The following CASS4 variants were observed in gnomAD, a reference collection of about 807,000 sequenced individuals.
CASS4 encodes Cas scaffold protein family member 4.
Under a neutral mutation model 54.2 loss-of-function variants are expected in CASS4, and 22 were observed. That is an observed-to-expected ratio of 0.41 (90% CI 0.29 to 0.58). The LOEUF (loss-of-function observed/expected upper bound fraction) is 0.58. Ranked by LOEUF, CASS4 falls within the 20% of genes least tolerant of loss-of-function variation. CASS4 has a pLI of 0.36. For missense variants in CASS4, 854 were observed against 986.7 expected, an observed-to-expected ratio of 0.87 and a Z score of 1.80; for synonymous variants, 409 against 391.5, an observed-to-expected ratio of 1.04 and a Z score of -0.53.
chr20:56,436,407 C>CAT (rs1310920603), intron 1 of CASS4, among the ~76,000 whole-genome samples: 32 of 140,696 alleles, frequency 2.3e-4, no homozygotes, highest in African/African-American at 7.5e-4. Context: ...ATGTTGGGTA[C>CAT]ATATATATAT....
rs146257982 is a variant in CASS4, at chr20:56,453,082, C to T, written c.1906C>T (p.His636Tyr). Residue 636 changes from histidine (H) to tyrosine (Y), a missense_variant, in exon 5 of 6, where the codon CAC becomes TAC. Coordinates refer to ENST00000679887, the MANE Select transcript of CASS4 (RefSeq NM_020356.4). ...TTCCACTAAGCAAAGGGAAGATGAA[C>T]ACTCTTCTGAACTATTAAAGAAAAA... ...TPSTKQREDEHSSELLKKNRA... is the reference protein window; with the variant it reads ...TPSTKQREDEYSSELLKKNRA... 1.2e-6 allele frequency: 2 copies of T among 1,614,024 alleles called. No individual in the cohort carries two copies. The highest frequency in any genetic ancestry group is 8.5e-7 in the Non-Finnish European group (1 of 1,179,992).
At chr20:56,417,067 G>T (rs1173709772) in intron 1 of CASS4, among the ~76,000 whole-genome samples, 1 of 152,204 alleles carries the variant, frequency 6.6e-6, no homozygotes, top group Non-Finnish European at 1.5e-5. Context: ...CTCAAGGTTG[G>T]TTTAAACACG....
rs572400550 is a variant in CASS4 at position 56,412,271 on chromosome 20, T to A, written c.-188T>A. On this transcript the variant is annotated 5_prime_UTR_variant, in exon 1 of 6. Transcript: ENST00000679887. The surrounding 1 kb of genome is among the most constrained non-coding windows in gnomAD (Gnocchi z 4.2). ...TGCTTCACTGCTTTCATTTTACTCTTATCGTGCTTTCCAGAAAGTTTGCCT... is the reference window on the plus strand; with the variant it reads ...TGCTTCACTGCTTTCATTTTACTCTAATCGTGCTTTCCAGAAAGTTTGCCT... 2 of 645,510 alleles carry A rather than the reference T, an allele frequency of 3.1e-6. No individual in the cohort carries two copies. Among genetic ancestry groups the A allele is most frequent in the African/African-American group, 3.7e-5 (2 of 54,358 alleles). The allele number at this position is 645,510 out of a possible 1,614,324, so 40.0% of individuals were successfully genotyped here.
chr20:56,458,818 T>C lies in CASS4; in HGVS notation c.*71T>C. The C allele has an allele frequency of 7.0e-7, 1 of 1,431,038 alleles. No individual in the cohort carries two copies. The allele number at this position is 1,431,038 out of a possible 1,614,324, so 88.6% of individuals were successfully genotyped here. On this transcript the variant is annotated 3_prime_UTR_variant, in exon 6 of 6. Transcript: ENST00000679887. The stretch of plus-strand genomic sequence containing the variant: ...ACCCACAACTTGTGCAACTCTGCCC[T>C]ATGGGAAAAGCCAGCCGGGGCATAC...
At position 56,414,725 on chromosome 20, in the gene CASS4, T is replaced by C. The variant is rs1206569895; in HGVS notation, c.36+2231T>C. Among the ~76,000 whole-genome samples, 1 of 152,156 alleles carries C rather than the reference T, an allele frequency of 6.6e-6. No individual in the cohort carries two copies. Among genetic ancestry groups the C allele is most frequent in the African/African-American group, 2.4e-5 (1 of 41,434 alleles). On this transcript the variant is annotated intron_variant, in intron 1 of 5. Coordinates refer to ENST00000679887, the MANE Select transcript of CASS4 (RefSeq NM_020356.4). This position sits in a 1 kb window ranked among gnomAD's most constrained non-coding sequence, Gnocchi z 4.1. ...CACCACTTTCAGAGGCTGAAGCGTG[T>C]GGATCACCTGAGGTCAGGGGATTAG...
chr20:56,452,671 G>T lies in CASS4; in HGVS notation c.1495G>T (p.Gly499Ter). 3 of 1,614,174 alleles carry T rather than the reference G, an allele frequency of 1.9e-6. No individual in the cohort carries two copies. The highest frequency in any genetic ancestry group is 1.7e-6 in the Non-Finnish European group (2 of 1,180,032). ...AAGAGAATTTCTGGATTTTGCCCGA[G>T]GAGTCCATGGGACTGCCTGTAACCT... ...SVREFLDFAR[G>*]VHGTACNLTD... The change falls in exon 5 of 6, where the codon GGA (glycine) becomes TGA (stop). Residue 499 changes from glycine (G) to a stop codon, truncating the protein, a stop_gained. Transcript: ENST00000679887. LOFTEE classifies it high-confidence loss of function.
At chr20:56,429,602 C>T (rs1344404630) in intron 1 of CASS4, among the ~76,000 whole-genome samples, 1 of 152,092 alleles carries the variant, frequency 6.6e-6, no homozygotes, top group Non-Finnish European at 1.5e-5. Context: ...TCCATGCGCC[C>T]CCAACACATA....
At chr20:56,426,263 A>G (rs1224867686) in intron 1 of CASS4, among the ~76,000 whole-genome samples, 2 of 152,238 alleles carry the variant, frequency 1.3e-5, no homozygotes, top group African/African-American at 2.4e-5. Flanking sequence ...TGGCTTACTC[A>G]TCTCCTAAAT....
chr20:56,430,607 A>T lies in CASS4; in HGVS notation c.37-6557A>T, dbSNP rs1254772589. Among the ~76,000 whole-genome samples, 1 of 152,196 alleles carries T rather than the reference A, an allele frequency of 6.6e-6. No homozygotes were observed. Among genetic ancestry groups the T allele is most frequent in the Admixed American group, 6.5e-5 (1 of 15,280 alleles). ...CTGCTTCCATCTGTTATTCACAAAG[A>T]GCTCAGTGCAGCGCCAGGAACATGG... On this transcript the variant is annotated intron_variant, in intron 1 of 5. Transcript: ENST00000679887. The surrounding 1 kb of genome is among the most constrained non-coding windows in gnomAD (Gnocchi z 4.2).
chr20:56,443,072 G>A (rs558937897), intron 2 of CASS4, among the ~76,000 whole-genome samples: 7 of 151,740 alleles, frequency 4.6e-5, no homozygotes, highest in Non-Finnish European at 7.4e-5. Flanking sequence ...GTCTGCGGGG[G>A]GAGAAAGCTT....
chr20:56,436,444 G>A (rs113548452), intron 1 of CASS4, among the ~76,000 whole-genome samples: 25 of 150,136 alleles, frequency 1.7e-4, no homozygotes, highest in African/African-American at 5.1e-4. Flanking sequence ...GTGTGTGTGT[G>A]TATATATACA....
chr20:56,414,612 A>G lies in CASS4; in HGVS notation c.36+2118A>G, dbSNP rs1979042703. Among the ~76,000 whole-genome samples the G allele has an allele frequency of 6.6e-6, 1 of 152,066 alleles. No homozygotes were observed. Among genetic ancestry groups the G allele is most frequent in the African/African-American group, 2.4e-5 (1 of 41,394 alleles). On this transcript the variant is annotated intron_variant, in intron 1 of 5. Coordinates refer to ENST00000679887, the MANE Select transcript of CASS4 (RefSeq NM_020356.4). This position sits in a 1 kb window ranked among gnomAD's most constrained non-coding sequence, Gnocchi z 4.1. ...AATAACATGCATGTTTGCATAGAAC[A>G]TATAATTGATATTCCCAGCATCCCC...
intron 1 of CASS4, among the ~76,000 whole-genome samples, chr20:56,415,428 G>A (rs1234826835): frequency 1.3e-5 from 2 of 152,156 alleles, no homozygotes; most frequent in Non-Finnish European, 2.9e-5. Flanking sequence ...TGTCCCTACA[G>A]AAACTATCAA....
At position 56,437,640 on chromosome 20, in the gene CASS4, A is replaced by T. The variant is rs1980257519; in HGVS notation, c.459+54A>T. On this transcript the variant is annotated intron_variant, in intron 2 of 5. Transcript: ENST00000679887. The surrounding 1 kb of genome is among the most constrained non-coding windows in gnomAD (Gnocchi z 4.7). ...GGTTGAGGGGTATGGAAACACCCAG[A>T]GGCCTAACTACCTCTTGAGGCATGG... is the stretch of plus-strand genomic sequence containing the variant. 3.5e-6 allele frequency: 5 copies of T among 1,438,120 alleles called. No individual in the cohort carries two copies. The South Asian group carries it at 7.1e-5, about 20-fold the overall frequency. 89.1% of individuals were successfully genotyped at this position (1,438,120 alleles called of 1,614,324 possible).
Position 56,458,833 on chromosome 20 carries a change from C to T in CASS4, c.*86C>T. The T allele has an allele frequency of 6.0e-6, 8 of 1,323,156 alleles. No individual in the cohort carries two copies. The highest frequency in any genetic ancestry group is 8.2e-6 in the Non-Finnish European group (8 of 977,558). The allele number at this position is 1,323,156 out of a possible 1,614,324, so 82.0% of individuals were successfully genotyped here. ...AACTCTGCCCTATGGGAAAAGCCAG[C>T]CGGGGCATACACCAATGAGCTGAAA... On this transcript the variant is annotated 3_prime_UTR_variant, in exon 6 of 6. Coordinates refer to ENST00000679887, the MANE Select transcript of CASS4 (RefSeq NM_020356.4).
intron 1 of CASS4, among the ~76,000 whole-genome samples, chr20:56,434,464 TCTCA>T (rs1980059717): frequency 6.6e-6 from 1 of 152,148 alleles, no homozygotes; most frequent in African/African-American, 2.4e-5. Flanking sequence ...TGAGATGGAG[TCTCA>T]CTCTGTTGCC....
chr20:56,457,006 T>A (rs894838993), intron 5 of CASS4, among the ~76,000 whole-genome samples: 1 of 152,188 alleles, frequency 6.6e-6, no homozygotes, highest in African/African-American at 2.4e-5. Context: ...TTATACTCCC[T>A]GCTTCCAAGA....
chr20:56,412,599 C>A lies in CASS4; in HGVS notation c.36+105C>A. 1 of 1,174,870 alleles carries A rather than the reference C, an allele frequency of 8.5e-7. No homozygotes were observed. Among genetic ancestry groups the A allele is most frequent in the Non-Finnish European group, 1.2e-6 (1 of 814,444 alleles). 72.8% of individuals were successfully genotyped at this position (1,174,870 alleles called of 1,614,324 possible). On this transcript the variant is annotated intron_variant, in intron 1 of 5. Transcript: ENST00000679887. This position sits in a 1 kb window ranked among gnomAD's most constrained non-coding sequence, Gnocchi z 4.2. ...GTGACTTTCTAATAAAGGTTGAATA[C>A]CAGTGACGTGTGAGTTGGAGATGGG...
chr20:56,454,125 G>C (rs1402096741), intron 5 of CASS4, among the ~76,000 whole-genome samples: 1 of 152,110 alleles, frequency 6.6e-6, no homozygotes, highest in Non-Finnish European at 1.5e-5. Flanking sequence ...AGGTTGCAGT[G>C]AGCTGAGATT....
Sources: allele counts gnomAD v4.1 joint callset (sites outside exome capture counted in the v4.1 genomes callset), GRCh38; gene constraint gnomAD v4.1.1; non-coding constraint Gnocchi (gnomAD v3.1); transcripts MANE v1.5; gene names NCBI Gene and HGNC (gene_info 2026-07-23, HGNC 2026-07-21).